The following DIP2B variants were observed in gnomAD, a reference collection of about 807,000 sequenced individuals.
The protein encoded by DIP2B is DIP2 acetate--CoA ligase B (putative), also known as disco-interacting protein 2 homolog B.
DIP2B carries 76 observed loss-of-function variants against 198.0 expected under a neutral mutation model. The observed-to-expected ratio is 0.38, with a 90% CI of 0.32 to 0.46. The LOEUF (loss-of-function observed/expected upper bound fraction) is 0.46. Ranked by LOEUF, DIP2B falls within the 20% of genes least tolerant of loss-of-function variation. DIP2B has a pLI of 0.99. For missense variants in DIP2B, 1,559 were observed against 1,978.4 expected, an observed-to-expected ratio of 0.79 and a Z score of 4.02; for synonymous variants, 701 against 739.1, an observed-to-expected ratio of 0.95 and a Z score of 0.84.
At chr12:50,706,345 G>A (rs752540782) in intron 20 of DIP2B, among the ~76,000 whole-genome samples, 193 bp from the exon 21 acceptor site, 2 of 152,156 alleles carry the variant, frequency 1.3e-5, no homozygotes, top group African/African-American at 2.4e-5. Flanking sequence ...TTCATTGGCT[G>A]TAAGATGCCA....
intron 1 of DIP2B, among the ~76,000 whole-genome samples, chr12:50,521,495 T>A (rs1322279051): frequency 7.0e-6 from 1 of 143,512 alleles, no homozygotes; most frequent in Non-Finnish European, 1.5e-5. Context: ...CTTTCTTTTT[T>A]TTTTTTTTTT....
At chr12:50,584,671 C>T (rs918421414) in intron 1 of DIP2B, among the ~76,000 whole-genome samples, 1 of 152,208 alleles carries the variant, frequency 6.6e-6, no homozygotes, top group Non-Finnish European at 1.5e-5. Context: ...TCAAGCGATT[C>T]TCCTGCCTCA....
At chr12:50,512,035 T>C (rs986892231) in intron 1 of DIP2B, among the ~76,000 whole-genome samples, 5 of 150,824 alleles carry the variant, frequency 3.3e-5, no homozygotes, top group Admixed American at 6.6e-5. Flanking sequence ...TCCTTTTACC[T>C]TGGCTCCCCC....
At chr12:50,731,663 A>T in intron 31 of DIP2B, 126 bp downstream of exon 31, 1 of 1,182,934 alleles carries the variant, frequency 8.5e-7, no homozygotes, top group South Asian at 1.9e-5. Flanking sequence ...CTCAGTTAAA[A>T]AAGGGTGTAT....
chr12:50,555,248 G>A (rs1019657100), intron 1 of DIP2B, among the ~76,000 whole-genome samples: 2 of 152,066 alleles, frequency 1.3e-5, no homozygotes, highest in Admixed American at 6.6e-5. Flanking sequence ...GGATCTAGGA[G>A]TCTTTTCTTA....
chr12:50,680,281 A>AG (rs1372468839), intron 8 of DIP2B: 1 of 151,734 alleles, frequency 6.6e-6, no homozygotes, highest in Non-Finnish European at 1.4e-5. Flanking sequence ...AAAAAAAAAA[A>AG]ACTTAGAACA....
rs774002754 is a variant in DIP2B, at chr12:50,728,544, C to G, written c.3511-4C>G. ...CAGCCTGTTCCATTTTCCATACTTT[C>G]CAGATGTCCCACTCTGCAGTGAACG... On this transcript the variant is annotated splice_region_variant and splice_polypyrimidine_tract_variant and intron_variant, in intron 29 of 37. Coordinates refer to ENST00000301180, the MANE Select transcript of DIP2B (RefSeq NM_173602.3). 1 of 1,613,144 alleles carries G rather than the reference C, an allele frequency of 6.2e-7. No individual in the cohort carries two copies.
rs1217440555 is a variant in DIP2B, at chr12:50,685,854, G to A, written c.1339G>A (p.Gly447Ser). Residue 447 changes from glycine (G) to serine (S), a missense_variant, in exon 11 of 38, where the codon GGC (glycine) becomes AGC (serine). By Grantham distance (56) the Gly-to-Ser change is moderately conservative (BLOSUM62 0). Coordinates refer to ENST00000301180, the MANE Select transcript of DIP2B (RefSeq NM_173602.3). ...ACAGGATGCTGGAGGTCAGCAGATTGGCTTCTTGCTAGGAAGCTGTGGTAT... is the reference window on the plus strand; with the variant it reads ...ACAGGATGCTGGAGGTCAGCAGATTAGCTTCTTGCTAGGAAGCTGTGGTAT... ...TRKDAGGQQI[G>S]FLLGSCGIAL... 1.2e-6 allele frequency: 2 copies of A among 1,613,642 alleles called. No homozygotes were observed. The highest frequency in any genetic ancestry group is 1.7e-6 in the Non-Finnish European group (2 of 1,179,752).
At chr12:50,594,800 C>T (rs192817463) in intron 1 of DIP2B, among the ~76,000 whole-genome samples, 7 of 152,178 alleles carry the variant, frequency 4.6e-5, no homozygotes, top group Admixed American at 2.0e-4. Context: ...ATAAAATGTG[C>T]GTTGCTAGTC....
At chr12:50,650,273 G>C (rs886515343) in intron 3 of DIP2B, among the ~76,000 whole-genome samples, 12 of 151,938 alleles carry the variant, frequency 7.9e-5, no homozygotes, top group Non-Finnish European at 1.6e-4. Context: ...CTATAGGAAG[G>C]CTCAGAATGC....
At chr12:50,544,624 CTT>C (rs66562074) in intron 1 of DIP2B, among the ~76,000 whole-genome samples, 59 of 136,998 alleles carry the variant, frequency 4.3e-4, no homozygotes, top group South Asian at 1.2e-3. Flanking sequence ...CTTTCTTTTT[CTT>C]TTTTTTTTTT....
intron 2 of DIP2B, among the ~76,000 whole-genome samples, chr12:50,629,340 A>G (rs1300389080): frequency 6.6e-6 from 1 of 152,152 alleles, no homozygotes; most frequent in African/African-American, 2.4e-5. Flanking sequence ...AAGCCCTCAG[A>G]ATCACTGGAG....
chr12:50,626,258 A>G (rs541624278), intron 2 of DIP2B, among the ~76,000 whole-genome samples: 22 of 152,324 alleles, frequency 1.4e-4, no homozygotes, highest in Non-Finnish European at 2.8e-4. Flanking sequence ...GTCATCAGAT[A>G]ATTTACACAG....
At chr12:50,698,108 C>A (rs1939350308) in intron 17 of DIP2B, among the ~76,000 whole-genome samples, 1 of 151,992 alleles carries the variant, frequency 6.6e-6, no homozygotes, top group South Asian at 2.1e-4. Flanking sequence ...GTTGCCCAGG[C>A]TGGTTTTGAA....
intron 1 of DIP2B, among the ~76,000 whole-genome samples, chr12:50,533,031 G>A (rs1396230465): frequency 6.6e-6 from 1 of 152,212 alleles, no homozygotes. Flanking sequence ...TGGTTTGTGT[G>A]CTTAACAGCA....
intron 1 of DIP2B, among the ~76,000 whole-genome samples, chr12:50,590,006 C>T (rs1430211233): frequency 6.6e-6 from 1 of 150,974 alleles, no homozygotes; most frequent in Non-Finnish European, 1.5e-5. Flanking sequence ...CTCTCTTTCT[C>T]TGTCTCTCTC....
intron 2 of DIP2B, chr12:50,633,262 T>A (rs1265866454): frequency 3.3e-5 from 5 of 152,178 alleles, no homozygotes; most frequent in Admixed American, 3.3e-4. Flanking sequence ...ATTTGAATAG[T>A]AAGTAATAGG....
At chr12:50,633,774 A>G (rs1938107516) in intron 2 of DIP2B, among the ~76,000 whole-genome samples, 2 of 152,124 alleles carry the variant, frequency 1.3e-5, no homozygotes. Context: ...TCCAAAAATA[A>G]GAAAAACTAA....
At chr12:50,537,203 C>T (rs138286208) in intron 1 of DIP2B, among the ~76,000 whole-genome samples, 1 of 136,020 alleles carries the variant, frequency 7.4e-6, no homozygotes, top group African/African-American at 2.8e-5. Context: ...TCAAGCGATC[C>T]ACCTGCCTTG....
Sources: allele counts gnomAD v4.1 joint callset (sites outside exome capture counted in the v4.1 genomes callset), GRCh38; gene constraint gnomAD v4.1.1; transcripts MANE v1.5; gene names NCBI Gene and HGNC (gene_info 2026-07-23, HGNC 2026-07-21).